The following UGT1A9 variants were observed in gnomAD, a reference collection of about 807,000 sequenced individuals.
The protein encoded by UGT1A9 is UDP-glucuronosyltransferase 1A9.
Under a neutral mutation model 45.0 loss-of-function variants are expected in UGT1A9, and 35 were observed. The ratio of observed to expected loss-of-function variants is 0.78; its 90% CI spans 0.59 to 1.03. The LOEUF (loss-of-function observed/expected upper bound fraction) is 1.03. UGT1A9 is among the 50% of genes least tolerant of loss of function. The pLI, the probability that UGT1A9 is intolerant of heterozygous loss-of-function variation, is 0.00. For synonymous variants in UGT1A9, 278 were observed against 250.6 expected, an observed-to-expected ratio of 1.11 and a Z score of -1.03; for missense variants, 687 against 666.6, an observed-to-expected ratio of 1.03 and a Z score of -0.34.
intron 1 of UGT1A9, among the ~76,000 whole-genome samples, chr2:233,674,814 T>C (rs369888955): frequency 1.3e-5 from 2 of 152,180 alleles, no homozygotes; most frequent in East Asian, 1.9e-4. Context: ...AAAGAAGGCT[T>C]TCCGGCAAAG....
intron 1 of UGT1A9, among the ~76,000 whole-genome samples, chr2:233,736,694 G>T (rs2078793950): frequency 6.6e-6 from 1 of 152,122 alleles, no homozygotes; most frequent in South Asian, 2.1e-4. Context: ...CCTACAGATG[G>T]GGTTTTGGTG....
In UGT1A9 at chr2:233,705,303, G is replaced by A. The variant is rs115657033; in HGVS notation, c.855+32514G>A. On this transcript the variant is annotated intron_variant, in intron 1 of 4. Transcript: ENST00000354728. Reference sequence around the variant, plus strand: ...TGAAGAACTTCCTTTAGTATTTCTTGTAAGTTGAGTTTTTCAGCAACACAT... The same window carrying A: ...TGAAGAACTTCCTTTAGTATTTCTTATAAGTTGAGTTTTTCAGCAACACAT... Among the ~76,000 whole-genome samples the A allele has an allele frequency of 8.9e-3, 1,351 of 152,284 alleles. 24 individuals are homozygous for A. Among genetic ancestry groups the A allele is most frequent in the African/African-American group, 0.031 (1,281 of 41,548 alleles).
At position 233,672,895 on chromosome 2, in the gene UGT1A9, A is replaced by G. The variant is rs1228410943; in HGVS notation, c.855+106A>G. Reference sequence around the variant, plus strand: ...GACATTTTCATTTGTTTCATTTCAAATTTCTTTCCAGTTTAACAAATTATT... The same window carrying G: ...GACATTTTCATTTGTTTCATTTCAAGTTTCTTTCCAGTTTAACAAATTATT... On this transcript the variant is annotated intron_variant, in intron 1 of 4. Transcript: ENST00000354728. 3 of 1,511,686 alleles carry G rather than the reference A, an allele frequency of 2.0e-6. No individual in the cohort carries two copies. In the East Asian group the frequency reaches 6.8e-5, roughly 34 times the overall value. The allele number at this position is 1,511,686 out of a possible 1,614,324, so 93.6% of individuals were successfully genotyped here.
At chr2:233,719,800 G>A (rs528409094) in intron 1 of UGT1A9, 47 of 1,602,562 alleles carry the variant, frequency 2.9e-5, no homozygotes, top group South Asian at 6.7e-5. Flanking sequence ...TTTTATTTTG[G>A]CTTCTTTATA....
At chr2:233,719,572 A>G in intron 1 of UGT1A9, 1 of 1,613,858 alleles carries the variant, frequency 6.2e-7, no homozygotes. Flanking sequence ...CTTGTCAGCT[A>G]TGCATCCGTG....
chr2:233,719,549 G>A (rs1246410052), intron 1 of UGT1A9: 1 of 1,613,938 alleles, frequency 6.2e-7, no homozygotes, highest in African/African-American at 1.3e-5. Context: ...AGAGAGAGGT[G>A]TCAGTGGTGG....
At chr2:233,732,713 G>A (rs556397438) in intron 1 of UGT1A9, among the ~76,000 whole-genome samples, 41 of 149,102 alleles carry the variant, frequency 2.7e-4, no homozygotes, top group African/African-American at 1.0e-3. Flanking sequence ...CTGTAGCCTT[G>A]TAGTACAGTT....
Position 233,697,037 on chromosome 2 carries a change from CT to C in UGT1A9, c.855+24257del, listed in dbSNP as rs533697413. Among the ~76,000 whole-genome samples, 153 of 150,928 alleles carry C rather than the reference CT, an allele frequency of 1.0e-3. 1 individual carries two copies. The Middle Eastern group carries it at 0.034, about 34-fold the overall frequency. On this transcript the variant is annotated intron_variant, in intron 1 of 4. Transcript: ENST00000354728. ...GTCAGAGATATGGGCCCGCAGTTTTCTTTTTTTTTGTTGTGTCCTTGTCTGG... is the reference window on the plus strand; with the variant it reads ...GTCAGAGATATGGGCCCGCAGTTTTCTTTTTTTTGTTGTGTCCTTGTCTGG...
intron 1 of UGT1A9, among the ~76,000 whole-genome samples, chr2:233,725,264 GGAGGCAGAGGCAGAGGCAGAGGCA>G (rs551912265): frequency 0.039 from 2,279 of 58,516 alleles, 576 homozygotes; most frequent in South Asian, 0.073. Context: ...CAGAGGCAGA[GGAGGCAGAGGCAGAGGCAGAGGCA>G]GAGGCAGAGG....
chr2:233,759,167 C>A (rs1180599090), intron 1 of UGT1A9, among the ~76,000 whole-genome samples: 1 of 152,178 alleles, frequency 6.6e-6, no homozygotes, highest in African/African-American at 2.4e-5. Context: ...ACAAGGCAGG[C>A]AGGTTTCACG....
At chr2:233,681,271 C>A (rs141901826) in intron 1 of UGT1A9, among the ~76,000 whole-genome samples, 4 of 151,932 alleles carry the variant, frequency 2.6e-5, no homozygotes, top group African/African-American at 9.7e-5. Context: ...TAGTGGCTCA[C>A]GCCTGTAATC....
chr2:233,691,099 CT>C (rs1347037651), intron 1 of UGT1A9: 1 of 986,026 alleles, frequency 1.0e-6, no homozygotes, highest in Admixed American at 6.1e-5. Flanking sequence ...CTTGATCCCG[CT>C]ATTCCTACAT....
intron 1 of UGT1A9, among the ~76,000 whole-genome samples, chr2:233,685,567 C>T (rs1191713801): frequency 6.6e-6 from 1 of 152,184 alleles, no homozygotes; most frequent in African/African-American, 2.4e-5. Flanking sequence ...TCAAATTTAC[C>T]TGTTACTGGG....
chr2:233,678,933 A>C lies in UGT1A9; in HGVS notation c.855+6144A>C, dbSNP rs568040518. Among the ~76,000 whole-genome samples, 9 of 152,332 alleles carry C rather than the reference A, an allele frequency of 5.9e-5. No homozygotes were observed. The South Asian group carries it at 1.4e-3, about 25-fold the overall frequency. ...GAAGTCATGTGCAACATCTGGTCAC[A>C]GTTTTCTCCAGAAGAAATGTACTGT... On this transcript the variant is annotated intron_variant, in intron 1 of 4. Transcript: ENST00000354728.
At chr2:233,743,063 C>G (rs1189998350) in intron 1 of UGT1A9, 2 of 336,472 alleles carry the variant, frequency 5.9e-6, no homozygotes, top group East Asian at 7.7e-5. Context: ...ACGATAAGAA[C>G]AGGTGTTGGC....
chr2:233,746,991 T>G (rs560743202), intron 1 of UGT1A9, among the ~76,000 whole-genome samples: 1 of 151,932 alleles, frequency 6.6e-6, no homozygotes, highest in Non-Finnish European at 1.5e-5. Context: ...CAGGGTCAGA[T>G]GAGTTTTTCA....
chr2:233,685,101 T>C (rs1008547396), intron 1 of UGT1A9, among the ~76,000 whole-genome samples: 4 of 152,178 alleles, frequency 2.6e-5, no homozygotes, highest in Non-Finnish European at 5.9e-5. Flanking sequence ...TATAACAAAA[T>C]CTTATTGAGT....
At chr2:233,735,001 G>A (rs76924132) in intron 1 of UGT1A9, among the ~76,000 whole-genome samples, 2 of 152,186 alleles carry the variant, frequency 1.3e-5, no homozygotes, top group African/African-American at 4.8e-5. Flanking sequence ...TTGACTTAGG[G>A]TGGAGAGTTC....
intron 1 of UGT1A9, chr2:233,682,081 C>T (rs140853286): frequency 3.7e-6 from 6 of 1,614,112 alleles, no homozygotes; most frequent in Non-Finnish European, 4.2e-6. Context: ...TGGAGAAACT[C>T]ATCCTCAGGG....
Sources: allele counts gnomAD v4.1 joint callset (sites outside exome capture counted in the v4.1 genomes callset), GRCh38; gene constraint gnomAD v4.1.1; transcripts MANE v1.5; gene names NCBI Gene and HGNC (gene_info 2026-07-23, HGNC 2026-07-21).